The following ITGA1 variants were observed in gnomAD, a reference collection of about 807,000 sequenced individuals.
ITGA1 encodes the protein integrin subunit alpha 1.
Under a neutral mutation model 145.9 loss-of-function variants are expected in ITGA1, and 85 were observed. That is an observed-to-expected ratio of 0.58 (90% CI 0.49 to 0.70). The LOEUF is 0.70. ITGA1 is among the 30% of genes least tolerant of loss of function. The probability of loss-of-function intolerance (pLI) is 0.00; values close to 1 mark genes in which losing one functional copy is unlikely to be tolerated. For missense variants in ITGA1, 1,351 were observed against 1,418.7 expected (o/e 0.95, Z 0.77); for synonymous variants, 520 against 495.3 (o/e 1.05, Z -0.66).
chr5:52,910,966 T>C (rs7380239), intron 14 of ITGA1, among the ~76,000 whole-genome samples: 8,767 of 132,386 alleles, frequency 0.066, 504 homozygotes, highest in East Asian at 0.26. Context: ...ATACACTATA[T>C]ATACTATATA....
intron 8 of ITGA1, among the ~76,000 whole-genome samples, chr5:52,893,078 A>G (rs1407469144): frequency 1.3e-5 from 2 of 151,898 alleles, no homozygotes; most frequent in Non-Finnish European, 2.9e-5. Flanking sequence ...ATCATATATA[A>G]CTCCTGCTTC....
At chr5:52,817,097 A>G (rs1350570477) in intron 1 of ITGA1, among the ~76,000 whole-genome samples, 4 of 152,226 alleles carry the variant, frequency 2.6e-5, no homozygotes, top group Non-Finnish European at 5.9e-5. Flanking sequence ...ATCCACTAAG[A>G]AATCATATTT....
chr5:52,800,116 C>T (rs1046403171), intron 1 of ITGA1: 2 of 400,760 alleles, frequency 5.0e-6, no homozygotes, highest in Non-Finnish European at 9.1e-6. Flanking sequence ...CCCGCTGTTG[C>T]GTGCTGCCAG....
chr5:52,843,845 C>T (rs1291478156), intron 1 of ITGA1, among the ~76,000 whole-genome samples: 2 of 152,250 alleles, frequency 1.3e-5, no homozygotes, highest in African/African-American at 4.8e-5. Context: ...AATCACTCAA[C>T]CTCTCTGAGC....
Position 52,865,789 on chromosome 5 carries a change from G to A in ITGA1, c.596G>A (p.Arg199Lys), listed in dbSNP as rs772876422. Reference protein sequence around the residue: ...VTAFLNDLLERMDIGPKQTQV... With the variant: ...VTAFLNDLLEKMDIGPKQTQV... ...GCTTTTTTAAATGACCTTCTTGAAA[G>A]AATGGATATTGGTCCTAAACAGACA... Residue 199 changes from arginine to lysine, a missense_variant, in exon 6 of 29, where the codon AGA becomes AAA. Arg to Lys is a conservative substitution (Grantham distance 26, BLOSUM62 2). Transcript: ENST00000282588. 2.2e-5 allele frequency: 35 copies of A among 1,602,290 alleles called. No homozygotes were observed. In the East Asian group the frequency reaches 7.5e-4, roughly 35 times the overall value.
Position 52,881,954 on chromosome 5 carries a change from G to C in ITGA1, c.706G>C (p.Ala236Pro). ...KYSSTEEVLV[A>P]AKKIVQRGGR... ...TTCTTCCACCGAAGAGGTACTTGTT[G>C]CAGCAAAGAAAATAGTCCAGAGAGG... The change falls in exon 7 of 29, where the codon GCA (alanine) becomes CCA (proline). Residue 236 changes from alanine (A) to proline (P), a missense_variant. Transcript: ENST00000282588. 1 of 1,613,850 alleles carries C rather than the reference G, an allele frequency of 6.2e-7. No homozygotes were observed. The highest frequency in any genetic ancestry group is 8.5e-7 in the Non-Finnish European group (1 of 1,179,868).
intron 7 of ITGA1, among the ~76,000 whole-genome samples, chr5:52,886,830 A>G (rs1029698435): frequency 2.9e-4 from 44 of 152,068 alleles, no homozygotes; most frequent in African/African-American, 7.2e-4. Flanking sequence ...CCAGGCTGGA[A>G]TGCAGTGGCG....
At position 52,952,525 on chromosome 5, in the gene ITGA1, A is replaced by C. The variant is rs1340224805; in HGVS notation, c.*74A>C. 1 of 645,326 alleles carries C rather than the reference A, an allele frequency of 1.5e-6. No individual in the cohort carries two copies. The highest frequency in any genetic ancestry group is 1.9e-5 in the African/African-American group (1 of 52,270). 40.0% of individuals were successfully genotyped at this position (645,326 alleles called of 1,614,324 possible). A position where few individuals can be genotyped will look rare whatever the true frequency, so the allele number is the denominator to read the frequency against. ...AGGTTTGCCTCAAATATGTGACAAG[A>C]AATGTATAATTCATGACATAGTCAT... On this transcript the variant is annotated 3_prime_UTR_variant, in exon 29 of 29. Coordinates refer to ENST00000282588, the MANE Select transcript of ITGA1 (RefSeq NM_181501.2).
At chr5:52,813,081 A>G (rs1193500685) in intron 1 of ITGA1, among the ~76,000 whole-genome samples, 1 of 152,120 alleles carries the variant, frequency 6.6e-6, no homozygotes, top group African/African-American at 2.4e-5. Flanking sequence ...ACAAATGAAG[A>G]GGAGTACAGA....
Position 52,865,618 on chromosome 5 carries a change from G to C in ITGA1, c.497-72G>C, listed in dbSNP as rs561670041. On this transcript the variant is annotated intron_variant, in intron 5 of 28. Coordinates refer to ENST00000282588, the MANE Select transcript of ITGA1 (RefSeq NM_181501.2). ...CATCTTTTAAAATGAACTTCTTTCAGCCATGAAAGCACTTCATATGCCTCT... is the reference window on the plus strand; with the variant it reads ...CATCTTTTAAAATGAACTTCTTTCACCCATGAAAGCACTTCATATGCCTCT... The C allele has an allele frequency of 1.1e-5, 13 of 1,215,082 alleles. No homozygotes were observed. In the South Asian group the frequency reaches 2.5e-4, roughly 23 times the overall value. The allele number at this position is 1,215,082 out of a possible 1,614,324, so 75.3% of individuals were successfully genotyped here.
intron 22 of ITGA1, chr5:52,933,028 A>T (rs1013379574): frequency 6.6e-6 from 1 of 151,970 alleles, no homozygotes; most frequent in Non-Finnish European, 1.5e-5. Context: ...TAATAATTGT[A>T]CATATTTATA....
chr5:52,939,812 T>C, intron 25 of ITGA1, 28 bp from the exon 26 acceptor site: 1 of 1,480,508 alleles, frequency 6.8e-7, no homozygotes, highest in Non-Finnish European at 9.4e-7. Flanking sequence ...GCAAGAATAC[T>C]GATATGTATC....
intron 14 of ITGA1, among the ~76,000 whole-genome samples, chr5:52,912,111 G>A (rs2111857200): frequency 7.2e-6 from 1 of 138,138 alleles, no homozygotes; most frequent in South Asian, 2.3e-4. Context: ...AGCGTATCTA[G>A]TATATAGATA....
At chr5:52,860,777 T>C (rs1379310005) in intron 2 of ITGA1, among the ~76,000 whole-genome samples, 1 of 152,204 alleles carries the variant, frequency 6.6e-6, no homozygotes, top group African/African-American at 2.4e-5. Flanking sequence ...AAATGACTTG[T>C]TGGAACTAAA....
At chr5:52,888,049 A>T (rs1750082600) in intron 8 of ITGA1, 84 bp downstream of exon 8, 1 of 1,386,024 alleles carries the variant, frequency 7.2e-7, no homozygotes, top group African/African-American at 1.4e-5. Flanking sequence ...TGAAAGTCAC[A>T]CAAACCAGGT....
At chr5:52,867,092 A>C (rs1157092858) in intron 6 of ITGA1, 1 of 151,080 alleles carries the variant, frequency 6.6e-6, no homozygotes, top group Non-Finnish European at 1.5e-5. Flanking sequence ...TGACTGCGTT[A>C]ATGTTTGCCA....
rs1460124624 is a variant in ITGA1 at position 52,953,663 on chromosome 5, G to A, written c.*1212G>A. On this transcript the variant is annotated 3_prime_UTR_variant, in exon 29 of 29. Coordinates refer to ENST00000282588, the MANE Select transcript of ITGA1 (RefSeq NM_181501.2). ...ACCAACAGGAAGATATCACACCTTT[G>A]TATGTGCTTCTTTGTTCTTGAAGTA... The A allele has an allele frequency of 6.6e-6, 1 of 152,174 alleles. No individual in the cohort carries two copies. Among genetic ancestry groups the A allele is most frequent in the Non-Finnish European group, 1.5e-5 (1 of 68,026 alleles). The allele number at this position is 152,174 out of a possible 1,614,324, so 9.4% of individuals were successfully genotyped here.
intron 11 of ITGA1, chr5:52,901,995 G>T (rs571885055): frequency 6.6e-6 from 1 of 151,874 alleles, no homozygotes; most frequent in East Asian, 1.9e-4. Context: ...AATACCTTGT[G>T]TTTTTTTTCA....
At chr5:52,798,455 G>A (rs1306083544) in intron 1 of ITGA1, among the ~76,000 whole-genome samples, 1 of 152,172 alleles carries the variant, frequency 6.6e-6, no homozygotes, top group Non-Finnish European at 1.5e-5. Context: ...TGAGAAAAAT[G>A]TTGAGACAAG....
Sources: allele counts gnomAD v4.1 joint callset (sites outside exome capture counted in the v4.1 genomes callset), GRCh38; gene constraint gnomAD v4.1.1; transcripts MANE v1.5; gene names NCBI Gene and HGNC (gene_info 2026-07-23, HGNC 2026-07-21).